Variants in APBB2 observed in about 807,000 individuals in gnomAD.
APBB2 encodes amyloid beta precursor protein binding family B member 2, also known as Fe65-like 1.
Under a neutral mutation model 82.5 loss-of-function variants are expected in APBB2, and 38 were observed. The ratio of observed to expected loss-of-function variants is 0.46; its 90% CI spans 0.36 to 0.60. The LOEUF (loss-of-function observed/expected upper bound fraction) is 0.60, where lower values mean the gene tolerates loss of function less well. APBB2 is among the 20% of genes least tolerant of loss of function. APBB2 has a pLI of 0.00. For missense variants in APBB2, 772 were observed against 972.3 expected, an observed-to-expected ratio of 0.79 and a Z score of 2.74; for synonymous variants, 341 against 368.2, an observed-to-expected ratio of 0.93 and a Z score of 0.85.
rs1212201625 is a variant in APBB2 at position 40,944,853 on chromosome 4, A to G, written c.1044+12T>C. On this transcript the variant is annotated intron_variant, in intron 7 of 17. Coordinates refer to ENST00000508593, the MANE Select transcript of APBB2 (RefSeq NM_004307.2). ...TATTCTACTAAGCTGGTAAAAAGAC[A>G]CTCCGTTTTACCTCGTTCTCTGGGG... 2 of 1,611,506 alleles carry G rather than the reference A, an allele frequency of 1.2e-6. No individual in the cohort carries two copies. The highest frequency in any genetic ancestry group is 4.5e-5 in the East Asian group (2 of 44,852).
intron 6 of APBB2, among the ~76,000 whole-genome samples, chr4:40,958,944 T>C (rs1008752659): frequency 6.6e-6 from 1 of 152,236 alleles, no homozygotes; most frequent in East Asian, 1.9e-4. Context: ...GATCACATCA[T>C]ATTTAGATAA....
intron 2 of APBB2, among the ~76,000 whole-genome samples, chr4:41,105,801 G>T (rs1339990198): frequency 6.6e-6 from 1 of 151,708 alleles, no homozygotes; most frequent in African/African-American, 2.4e-5. Flanking sequence ...CAGGAGAATG[G>T]CGTGAACCCG....
chr4:40,995,121 C>A (rs982157699), intron 6 of APBB2, among the ~76,000 whole-genome samples: 9 of 152,094 alleles, frequency 5.9e-5, no homozygotes, highest in African/African-American at 2.2e-4. Context: ...TCATCCAACA[C>A]CCCTTTGGCT....
At chr4:41,149,577 T>C (rs1761700543) in intron 1 of APBB2, among the ~76,000 whole-genome samples, 1 of 152,118 alleles carries the variant, frequency 6.6e-6, no homozygotes, top group Non-Finnish European at 1.5e-5. Context: ...TAAAAGCCAA[T>C]GTTCAAAATA....
intron 12 of APBB2, chr4:40,856,981 G>T: frequency 1.0e-6 from 1 of 985,528 alleles, no homozygotes. Context: ...CCCCCTGAAC[G>T]CACCTGCAAA....
chr4:40,914,650 A>G (rs1779407191), intron 10 of APBB2, among the ~76,000 whole-genome samples: 1 of 152,250 alleles, frequency 6.6e-6, no homozygotes, highest in Non-Finnish European at 1.5e-5. Context: ...AGGTGATGAA[A>G]ATGTTGTGAC....
At chr4:40,910,977 G>C (rs572382155) in intron 10 of APBB2, among the ~76,000 whole-genome samples, 116 of 152,382 alleles carry the variant, frequency 7.6e-4, no homozygotes, top group African/African-American at 2.6e-3. Flanking sequence ...ACACAGCCTG[G>C]ACTCTGAAGC....
At chr4:41,033,886 A>G (rs1718084126) in intron 4 of APBB2, among the ~76,000 whole-genome samples, 1 of 152,264 alleles carries the variant, frequency 6.6e-6, no homozygotes, top group Admixed American at 6.5e-5. Context: ...TTGAATAAAC[A>G]TAAATCACTA....
At chr4:41,102,117 G>T (rs186684118) in intron 2 of APBB2, among the ~76,000 whole-genome samples, 1 of 151,986 alleles carries the variant, frequency 6.6e-6, no homozygotes, top group African/African-American at 2.4e-5. Context: ...ATACCCCTCG[G>T]GCTCTCCTAT....
intron 4 of APBB2, among the ~76,000 whole-genome samples, chr4:41,058,044 A>G (rs949220826): frequency 1.3e-5 from 2 of 152,210 alleles, no homozygotes; most frequent in Non-Finnish European, 2.9e-5. Context: ...AAGTCCCTCC[A>G]AAGACTATTC....
chr4:40,956,488 T>A (rs1460557047), intron 6 of APBB2, among the ~76,000 whole-genome samples: 1 of 152,212 alleles, frequency 6.6e-6, no homozygotes, highest in Non-Finnish European at 1.5e-5. Flanking sequence ...TTCAAGGCCC[T>A]TATACTTCTT....
chr4:40,998,766 T>A (rs1316169450), intron 6 of APBB2, among the ~76,000 whole-genome samples: 1 of 152,188 alleles, frequency 6.6e-6, no homozygotes, highest in Admixed American at 6.5e-5. Context: ...TGGGTCATTA[T>A]TAAGTAAAAT....
At position 40,910,118 on chromosome 4, in the gene APBB2, C is replaced by T. The variant is rs1358096586; in HGVS notation, c.1255-16707G>A. The stretch of plus-strand genomic sequence containing the variant: ...TACAGGCACCCACCACCATGCCTGG[C>T]TAATTTTTTTTTTTTTTTTTTGTAA... On this transcript the variant is annotated intron_variant, in intron 10 of 17. Transcript: ENST00000508593. Among the ~76,000 whole-genome samples, 3 of 110,212 alleles carry T rather than the reference C, an allele frequency of 2.7e-5. 1 individual carries two copies. The highest frequency in any genetic ancestry group is 1.2e-4 in the Admixed American group (1 of 8,414). The allele number at this position is 110,212 out of a possible 152,430, so 72.3% of individuals were successfully genotyped here.
At chr4:41,184,134 A>C (rs961145397) in intron 1 of APBB2, among the ~76,000 whole-genome samples, 2 of 151,982 alleles carry the variant, frequency 1.3e-5, no homozygotes, top group African/African-American at 4.8e-5. Flanking sequence ...GCCACCACTG[A>C]TCTGACAGGG....
chr4:40,983,449 A>G (rs1799628581), intron 6 of APBB2, among the ~76,000 whole-genome samples: 4 of 152,246 alleles, frequency 2.6e-5, no homozygotes, highest in Non-Finnish European at 5.9e-5. Flanking sequence ...TTTCACAGAA[A>G]TTCTCTTCCC....
At chr4:40,981,248 C>T (rs556990777) in intron 6 of APBB2, among the ~76,000 whole-genome samples, 10 of 152,000 alleles carry the variant, frequency 6.6e-5, no homozygotes, top group Non-Finnish European at 1.2e-4. Flanking sequence ...ACTAAAAATA[C>T]GAAAATTAGC....
intron 12 of APBB2, among the ~76,000 whole-genome samples, chr4:40,885,296 A>AG (rs1769894090): frequency 6.6e-6 from 1 of 152,256 alleles, no homozygotes; most frequent in African/African-American, 2.4e-5. Flanking sequence ...AGCCCATTAA[A>AG]GGGAAGAAAG....
intron 10 of APBB2, among the ~76,000 whole-genome samples, chr4:40,917,468 C>T (rs1417344267): frequency 6.6e-6 from 1 of 151,826 alleles, no homozygotes; most frequent in Non-Finnish European, 1.5e-5. Flanking sequence ...GGTCAGGGTC[C>T]CCATGTGTAT....
At chr4:40,890,094 T>C (rs1055791121) in intron 12 of APBB2, among the ~76,000 whole-genome samples, 7 of 152,052 alleles carry the variant, frequency 4.6e-5, no homozygotes, top group African/African-American at 1.2e-4. Context: ...CTTGGTTGCA[T>C]GAGGAGGGTC....
Sources: allele counts gnomAD v4.1 joint callset (sites outside exome capture counted in the v4.1 genomes callset), GRCh38; gene constraint gnomAD v4.1.1; transcripts MANE v1.5; gene names NCBI Gene and HGNC (gene_info 2026-07-23, HGNC 2026-07-21).